The following METTL15 variants were observed in gnomAD, a reference collection of about 807,000 sequenced individuals.
METTL15 encodes the protein 12S rRNA N(4)-cytidine methyltransferase METTL15.
METTL15 carries 34 observed loss-of-function variants against 38.3 expected under a neutral mutation model. The observed-to-expected ratio is 0.89, with a 90% CI of 0.68 to 1.18. The LOEUF (loss-of-function observed/expected upper bound fraction) is 1.18. Ranked by LOEUF, METTL15 falls within the 50% of genes most tolerant of loss-of-function variation. METTL15 has a pLI of 0.00. For missense variants in METTL15, 438 were observed against 498.4 expected (o/e 0.88, Z 1.15); for synonymous variants, 162 against 170.9 (o/e 0.95, Z 0.41).
chr11:28,382,142 G>T (rs968688535), intron 5 of METTL15, among the ~76,000 whole-genome samples: 2 of 151,920 alleles, frequency 1.3e-5, no homozygotes, highest in Non-Finnish European at 2.9e-5. Flanking sequence ...AAATCAGAGT[G>T]TTGCCCATTC....
At chr11:28,239,171 T>C (rs1412083051) in intron 4 of METTL15, among the ~76,000 whole-genome samples, 1 of 152,204 alleles carries the variant, frequency 6.6e-6, no homozygotes, top group Admixed American at 6.5e-5. Flanking sequence ...CCCATCCAAC[T>C]GCTTAGCTGG....
chr11:28,443,291 C>T (rs904470095), intron 6 of METTL15, among the ~76,000 whole-genome samples: 2 of 152,284 alleles, frequency 1.3e-5, no homozygotes, highest in Middle Eastern at 3.4e-3. Flanking sequence ...AGCCGCCTCT[C>T]GTTATTCTGC....
intron 5 of METTL15, among the ~76,000 whole-genome samples, chr11:28,417,316 T>C (rs554315264): frequency 2.0e-5 from 3 of 152,186 alleles, no homozygotes; most frequent in African/African-American, 7.2e-5. Flanking sequence ...GCAAAAAGAA[T>C]AATGCAAAAT....
At chr11:28,210,653 C>T (rs1852594267) in intron 3 of METTL15, among the ~76,000 whole-genome samples, 1 of 151,760 alleles carries the variant, frequency 6.6e-6, no homozygotes, top group African/African-American at 2.4e-5. Context: ...TCATAGAAAG[C>T]TTTAAGAGAA....
At chr11:28,528,544 G>A (rs1851826763), downstream of METTL15, among the ~76,000 whole-genome samples, 2 of 152,094 alleles carry the variant, frequency 1.3e-5, no homozygotes, top group Admixed American at 1.3e-4. Flanking sequence ...GGGAAGGCAG[G>A]CCAATTTTGC....
chr11:28,307,176 T>G (rs554063077), intron 6 of METTL15, among the ~76,000 whole-genome samples: 13 of 152,032 alleles, frequency 8.6e-5, no homozygotes, highest in Admixed American at 2.6e-4. Flanking sequence ...TTTACATTTT[T>G]TGTGTGTGTG....
rs138911555 is a variant in METTL15 at position 28,408,392 on chromosome 11, A to G, written c.*359-15907A>G. Among the ~76,000 whole-genome samples the G allele has an allele frequency of 4.4e-3, 663 of 152,292 alleles. 8 individuals are homozygous for G. The highest frequency in any genetic ancestry group is 0.014 in the African/African-American group (585 of 41,570). On this transcript the variant is annotated intron_variant and NMD_transcript_variant, in intron 5 of 7. Transcript: ENST00000532947. ...GCTAGCTAAAACCACCTCTGTTTCT[A>G]TTTCAAGCTTTTCTCTCTCAGTTAT...
At chr11:28,354,386 C>T (rs963592577) in intron 4 of METTL15, among the ~76,000 whole-genome samples, 6 of 152,094 alleles carry the variant, frequency 3.9e-5, no homozygotes, top group African/African-American at 1.4e-4. Flanking sequence ...TGGGCTTTAT[C>T]AATTTCTTAA....
At chr11:28,394,483 A>AG (rs1306957441) in intron 5 of METTL15, among the ~76,000 whole-genome samples, 1 of 151,824 alleles carries the variant, frequency 6.6e-6, no homozygotes, top group Non-Finnish European at 1.5e-5. Flanking sequence ...GCTCACAAGG[A>AG]GGGGGGTGGA....
intron 4 of METTL15, among the ~76,000 whole-genome samples, chr11:28,246,100 TA>T (rs968960951): frequency 6.6e-6 from 1 of 152,064 alleles, no homozygotes; most frequent in Admixed American, 6.6e-5. Flanking sequence ...TACAACTATA[TA>T]GAAGAAATAA....
At chr11:28,165,107 T>A (rs897547348) in intron 3 of METTL15, among the ~76,000 whole-genome samples, 3 of 152,158 alleles carry the variant, frequency 2.0e-5, no homozygotes, top group African/African-American at 4.8e-5. Flanking sequence ...ATGTTTAGGT[T>A]GATTCCGTAT....
intron 4 of METTL15, among the ~76,000 whole-genome samples, chr11:28,213,488 AATG>A (rs1439477088): frequency 6.6e-6 from 1 of 151,880 alleles, no homozygotes; most frequent in Non-Finnish European, 1.5e-5. Context: ...AGATGAAATG[AATG>A]ATATCCTAAT....
intron 3 of METTL15, among the ~76,000 whole-genome samples, chr11:28,175,646 G>A (rs1851045328): frequency 6.6e-6 from 1 of 152,264 alleles, no homozygotes; most frequent in African/African-American, 2.4e-5. Flanking sequence ...AATGGTATGA[G>A]CACATAATTT....
chr11:28,256,233 C>G (rs1249209999), intron 4 of METTL15, among the ~76,000 whole-genome samples: 1 of 152,168 alleles, frequency 6.6e-6, no homozygotes, highest in Non-Finnish European at 1.5e-5. Context: ...AAAATATTCC[C>G]TTATCCTCTT....
At chr11:28,140,321 G>A (rs1849656020) in intron 3 of METTL15, among the ~76,000 whole-genome samples, 1 of 152,166 alleles carries the variant, frequency 6.6e-6, no homozygotes, top group African/African-American at 2.4e-5. Flanking sequence ...GGAAAATACT[G>A]TAGAAAAGAC....
chr11:28,346,603 T>G (rs2133358105), intron 3 of METTL15, among the ~76,000 whole-genome samples: 1 of 152,324 alleles, frequency 6.6e-6, no homozygotes. Flanking sequence ...TTATAGTCTT[T>G]TCAACTTCAT....
intron 4 of METTL15, among the ~76,000 whole-genome samples, chr11:28,272,007 A>G (rs1855660141): frequency 2.0e-5 from 3 of 152,216 alleles, no homozygotes; most frequent in Admixed American, 6.5e-5. Flanking sequence ...GCAAATCAAA[A>G]CCACAATGAG....
At chr11:28,109,554 A>G (rs1318530677) in intron 1 of METTL15, among the ~76,000 whole-genome samples, 3 of 152,254 alleles carry the variant, frequency 2.0e-5, no homozygotes, top group Admixed American at 6.5e-5. Context: ...TGAACTATAC[A>G]GGCAAGGCAA....
At chr11:28,144,532 T>C (rs1849812527) in intron 3 of METTL15, among the ~76,000 whole-genome samples, 1 of 152,194 alleles carries the variant, frequency 6.6e-6, no homozygotes, top group South Asian at 2.1e-4. Flanking sequence ...GGTAATTTAC[T>C]GTCTTATCAG....
Sources: allele counts gnomAD v4.1 joint callset (sites outside exome capture counted in the v4.1 genomes callset), GRCh38; gene constraint gnomAD v4.1.1; transcripts MANE v1.5; gene names NCBI Gene and HGNC (gene_info 2026-07-23, HGNC 2026-07-21).